GADL1: variants seen among roughly 807,000 people sequenced by gnomAD.
The protein encoded by GADL1 is acidic amino acid decarboxylase GADL1.
Under a neutral mutation model 69.5 loss-of-function variants are expected in GADL1, and 71 were observed. The ratio of observed to expected loss-of-function variants is 1.02; its 90% CI spans 0.84 to 1.25. GADL1 has a LOEUF of 1.25. Among genes scored for constraint, GADL1 ranks in the 50% most tolerant of loss-of-function variants. The pLI is 0.00. For synonymous variants in GADL1, 254 were observed against 214.4 expected (o/e 1.18, Z -1.62); for missense variants, 737 against 631.8 (o/e 1.17, Z -1.79).
intron 1 of GADL1, among the ~76,000 whole-genome samples, chr3:30,874,093 AG>A (rs1298575841): frequency 5.3e-5 from 8 of 151,966 alleles, no homozygotes; most frequent in African/African-American, 1.9e-4. Flanking sequence ...ATTGCTGAGT[AG>A]GGTTTGCAAA....
chr3:30,780,469 T>A (rs186284928), intron 13 of GADL1, among the ~76,000 whole-genome samples: 2 of 152,130 alleles, frequency 1.3e-5, no homozygotes. Context: ...GGTTTTTCAT[T>A]CTCTATGAGG....
chr3:30,777,436 G>A (rs1696563317), intron 14 of GADL1, among the ~76,000 whole-genome samples: 1 of 152,152 alleles, frequency 6.6e-6, no homozygotes, highest in Admixed American at 6.5e-5. Context: ...ATAATCCCCA[G>A]TGAAACTCCC....
chr3:30,768,607 C>CTGGA (rs1437249788), intron 14 of GADL1, among the ~76,000 whole-genome samples: 1 of 151,558 alleles, frequency 6.6e-6, no homozygotes, highest in East Asian at 1.9e-4. Flanking sequence ...AGTGGCGAGA[C>CTGGA]TGGAGGTGCA....
At position 30,778,238 on chromosome 3, in the gene GADL1, T is replaced by C. The variant is rs1219854403; in HGVS notation, c.1333A>G (p.Ile445Val). The C allele has an allele frequency of 6.2e-6, 10 of 1,612,512 alleles. No homozygotes were observed. Among genetic ancestry groups the C allele is most frequent in the Non-Finnish European group, 8.5e-6 (10 of 1,178,734 alleles). Reference sequence around the variant, plus strand: ...TCCATCTCTCTGAGGCTCGGTGGAATGTACCAAAAGCAAATATTGGCATAT... The same window carrying C: ...TCCATCTCTCTGAGGCTCGGTGGAACGTACCAAAAGCAAATATTGGCATAT... Reference protein sequence around the residue: ...PEYANICFWYIPPSLREMEEG... With the variant: ...PEYANICFWYVPPSLREMEEG... The change falls in exon 14 of 15, where the codon ATT becomes GTT. Residue 445 changes from isoleucine to valine, a missense_variant. Physicochemically the swap from Ile to Val is conservative, Grantham distance 29. Transcript: ENST00000282538.
chr3:30,765,036 C>CTTT (rs3043001), intron 14 of GADL1, among the ~76,000 whole-genome samples: 122 of 151,728 alleles, frequency 8.0e-4, no homozygotes, highest in Middle Eastern at 3.4e-3. Context: ...TGCAAATTGA[C>CTTT]TTTTTCCTTC....
At position 30,761,780 on chromosome 3, in the gene GADL1, C is replaced by T. The variant is rs1247148821; in HGVS notation, c.1392+16399G>A. ...CTGGAACACTTTTTCTACCTTATCA[C>T]TAGAGCATCCCCTCCACCTAGTAGC... is the stretch of plus-strand genomic sequence containing the variant. On this transcript the variant is annotated intron_variant, in intron 14 of 14. Transcript: ENST00000282538. 3.3e-5 allele frequency among the ~76,000 whole-genome samples: 5 copies of T among 152,168 alleles called. No homozygotes were observed. In the East Asian group the frequency reaches 9.6e-4, roughly 29 times the overall value.
At chr3:30,842,252 A>G (rs1697978940) in intron 8 of GADL1, among the ~76,000 whole-genome samples, 1 of 152,206 alleles carries the variant, frequency 6.6e-6, no homozygotes, top group Non-Finnish European at 1.5e-5. Flanking sequence ...ATTATATTTT[A>G]AACAAAACTA....
chr3:30,858,671 G>C (rs942084499), intron 2 of GADL1, among the ~76,000 whole-genome samples: 4 of 151,900 alleles, frequency 2.6e-5, no homozygotes, highest in African/African-American at 9.7e-5. Context: ...GTGAAAGCAG[G>C]TTTAGGACAA....
In GADL1 at chr3:30,762,293, C is replaced by CA. The variant is rs1434568617; in HGVS notation, c.1392+15885dup. On this transcript the variant is annotated intron_variant, in intron 14 of 14. Coordinates refer to ENST00000282538, the MANE Select transcript of GADL1 (RefSeq NM_207359.3). ...CTAGGTGAGAAAAGAGAAGTGAGGACATATGCTTTAAAAGGCTTCCTTTTC... is the reference window on the plus strand; with the variant it reads ...CTAGGTGAGAAAAGAGAAGTGAGGACAATATGCTTTAAAAGGCTTCCTTTTC... 4.6e-5 allele frequency among the ~76,000 whole-genome samples: 7 copies of CA among 152,234 alleles called. No homozygotes were observed. The East Asian group carries it at 1.2e-3, about 25-fold the overall frequency.
chr3:30,756,351 T>C (rs998226131), intron 14 of GADL1, among the ~76,000 whole-genome samples: 5 of 152,080 alleles, frequency 3.3e-5, no homozygotes, highest in Non-Finnish European at 7.4e-5. Flanking sequence ...CAAGTGAGAT[T>C]GTGGATGTGT....
intron 11 of GADL1, among the ~76,000 whole-genome samples, chr3:30,807,505 A>T (rs1310055928): frequency 6.6e-6 from 1 of 152,226 alleles, no homozygotes; most frequent in Non-Finnish European, 1.5e-5. Flanking sequence ...TCCTTGGTAG[A>T]TGCTGTGGGT....
chr3:30,805,474 G>A (rs1342268295), intron 11 of GADL1, among the ~76,000 whole-genome samples: 1 of 152,160 alleles, frequency 6.6e-6, no homozygotes. Context: ...CTATAAACAT[G>A]ACCTCTGGTC....
intron 11 of GADL1, among the ~76,000 whole-genome samples, chr3:30,822,817 T>C (rs1166201965): frequency 1.3e-5 from 2 of 152,022 alleles, no homozygotes; most frequent in South Asian, 2.1e-4. Flanking sequence ...AATCATTACA[T>C]AACTAAATAA....
rs1698510284 is a variant in GADL1, at chr3:30,872,743, C to G, written c.38-10978G>C. 4.6e-5 allele frequency among the ~76,000 whole-genome samples: 7 copies of G among 151,958 alleles called. 1 individual carries two copies. The South Asian group carries it at 1.5e-3, about 32-fold the overall frequency. ...ATTTATCTTTCTCTAATTCTGTGAG[C>G]TTTCTAAGATACTCTCAATAAACTC... is the stretch of plus-strand genomic sequence containing the variant. On this transcript the variant is annotated intron_variant, in intron 1 of 14. Coordinates refer to ENST00000282538, the MANE Select transcript of GADL1 (RefSeq NM_207359.3).
At chr3:30,789,721 C>CT (rs1696873473) in intron 12 of GADL1, among the ~76,000 whole-genome samples, 1 of 152,178 alleles carries the variant, frequency 6.6e-6, no homozygotes, top group African/African-American at 2.4e-5. Context: ...GCTGCTTCAA[C>CT]TTGCACTTTT....
At chr3:30,844,071 T>G in intron 8 of GADL1, 139 bp downstream of exon 8, 1 of 672,276 alleles carries the variant, frequency 1.5e-6, no homozygotes, top group Non-Finnish European at 2.6e-6. Flanking sequence ...AATTCCAACA[T>G]TCTCTCTCCT....
chr3:30,756,623 G>A (rs1320172069), intron 14 of GADL1, among the ~76,000 whole-genome samples: 4 of 152,178 alleles, frequency 2.6e-5, no homozygotes, highest in African/African-American at 9.6e-5. Flanking sequence ...AACTTCCTTT[G>A]CAAATACATT....
intron 12 of GADL1, among the ~76,000 whole-genome samples, chr3:30,787,869 A>G (rs60001648): frequency 6.6e-6 from 1 of 152,066 alleles, no homozygotes; most frequent in African/African-American, 2.4e-5. Flanking sequence ...TATAATGTGA[A>G]TATGGAATAC....
chr3:30,816,670 C>G lies in GADL1; in HGVS notation c.1051-15582G>C, dbSNP rs149562455. ...AAGCAATTCTCCTGCTGCAGCCTCC[C>G]GAGTAGCTGGGACTACAGGCGCATG... On this transcript the variant is annotated intron_variant, in intron 11 of 14. Coordinates refer to ENST00000282538, the MANE Select transcript of GADL1 (RefSeq NM_207359.3). 5.6e-3 allele frequency among the ~76,000 whole-genome samples: 841 copies of G among 150,698 alleles called. 12 individuals carry two copies. The highest frequency in any genetic ancestry group is 0.019 in the African/African-American group (798 of 41,034).
Sources: allele counts gnomAD v4.1 joint callset (sites outside exome capture counted in the v4.1 genomes callset), GRCh38; gene constraint gnomAD v4.1.1; transcripts MANE v1.5; gene names NCBI Gene and HGNC (gene_info 2026-07-23, HGNC 2026-07-21).